Variants in ZBTB7C observed in about 807,000 individuals in gnomAD.
ZBTB7C encodes the protein zinc finger and BTB domain containing 7C.
Under a neutral mutation model 25.7 loss-of-function variants are expected in ZBTB7C, and 8 were observed. The observed-to-expected ratio is 0.31, with a 90% confidence interval of 0.18 to 0.56. The LOEUF (loss-of-function observed/expected upper bound fraction) is 0.56. ZBTB7C is among the 20% of genes least tolerant of loss of function. The pLI is 0.91. For synonymous variants in ZBTB7C, 394 were observed against 369.0 expected (o/e 1.07, Z -0.78); for missense variants, 824 against 855.2 (o/e 0.96, Z 0.46).
At chr18:48,076,532 C>T (rs1351980619) in intron 3 of ZBTB7C, among the ~76,000 whole-genome samples, 1 of 152,214 alleles carries the variant, frequency 6.6e-6, no homozygotes, top group African/African-American at 2.4e-5. Flanking sequence ...ATATCCAGGA[C>T]ACTGACCCCA....
intron 3 of ZBTB7C, among the ~76,000 whole-genome samples, chr18:48,131,060 C>T (rs772780253): frequency 3.3e-5 from 5 of 152,154 alleles, no homozygotes; most frequent in African/African-American, 7.2e-5. Flanking sequence ...CGTGCCACCA[C>T]GCCTAGCTAA....
At chr18:48,109,980 C>T (rs974054546) in intron 3 of ZBTB7C, among the ~76,000 whole-genome samples, 11 of 152,098 alleles carry the variant, frequency 7.2e-5, no homozygotes, top group African/African-American at 2.4e-4. Context: ...TGGTCTGAGA[C>T]TGAGGCATAG....
chr18:48,294,063 C>T (rs930130046), intron 2 of ZBTB7C, among the ~76,000 whole-genome samples: 1 of 152,226 alleles, frequency 6.6e-6, no homozygotes, highest in African/African-American at 2.4e-5. Flanking sequence ...AGCACGAATG[C>T]GGTGTTTACC....
intron 3 of ZBTB7C, among the ~76,000 whole-genome samples, chr18:48,091,936 C>T (rs2038432998): frequency 6.6e-6 from 1 of 152,220 alleles, no homozygotes; most frequent in Non-Finnish European, 1.5e-5. Flanking sequence ...CCCAACTCCT[C>T]CAGTCCTGGG....
chr18:48,314,129 C>A (rs2045889709), intron 2 of ZBTB7C, among the ~76,000 whole-genome samples: 1 of 152,194 alleles, frequency 6.6e-6, no homozygotes. Flanking sequence ...TCCTTCGTAG[C>A]AACGCAAGAA....
intron 2 of ZBTB7C, among the ~76,000 whole-genome samples, chr18:48,226,089 C>T (rs941726432): frequency 3.6e-4 from 55 of 152,290 alleles, no homozygotes; most frequent in South Asian, 1.5e-3. Flanking sequence ...AAATAAGCCC[C>T]GTCATCTCAG....
intron 2 of ZBTB7C, among the ~76,000 whole-genome samples, chr18:48,225,445 C>T (rs16948926): frequency 0.031 from 4,750 of 152,132 alleles, 94 homozygotes; most frequent in Middle Eastern, 0.095. Context: ...CTGCCTGCTG[C>T]GTTACAGACA....
At chr18:48,317,528 G>C (rs1255251899) in intron 2 of ZBTB7C, among the ~76,000 whole-genome samples, 1 of 152,146 alleles carries the variant, frequency 6.6e-6, no homozygotes, top group Non-Finnish European at 1.5e-5. Context: ...TGATGCCTTT[G>C]CTCTGAGGAT....
At chr18:48,194,294 C>T (rs2042267256) in intron 2 of ZBTB7C, among the ~76,000 whole-genome samples, 1 of 152,240 alleles carries the variant, frequency 6.6e-6, no homozygotes, top group African/African-American at 2.4e-5. Context: ...GGAGGGATCT[C>T]TCACACCAGC....
intron 1 of ZBTB7C, among the ~76,000 whole-genome samples, chr18:48,385,413 T>C (rs1303432631): frequency 6.6e-6 from 1 of 152,056 alleles, no homozygotes; most frequent in African/African-American, 2.4e-5. Context: ...GAGAACACCA[T>C]GAGGAGGAGC....
At chr18:48,289,918 T>C (rs1476307745) in intron 2 of ZBTB7C, among the ~76,000 whole-genome samples, 1 of 152,048 alleles carries the variant, frequency 6.6e-6, no homozygotes, top group African/African-American at 2.4e-5. Context: ...TCTCACACAA[T>C]GAAATACAAT....
intron 1 of ZBTB7C, among the ~76,000 whole-genome samples, chr18:48,390,058 G>A (rs2047863394): frequency 6.6e-6 from 1 of 152,142 alleles, no homozygotes; most frequent in Non-Finnish European, 1.5e-5. Flanking sequence ...GGGCTGGATC[G>A]GGAGCCCTGA....
In ZBTB7C at chr18:48,322,564, C is replaced by T. The variant is rs964850947; in HGVS notation, c.-79+15610G>A. On this transcript the variant is annotated intron_variant, in intron 2 of 4. Coordinates refer to ENST00000590800, the MANE Select transcript of ZBTB7C (RefSeq NM_001318841.2). ...AACATAACAGATGTTGGCGTGGATG[C>T]GATAAAAAGGGAACACTTCTATACT... 6.6e-5 allele frequency among the ~76,000 whole-genome samples: 10 copies of T among 152,160 alleles called. No homozygotes were observed. In the East Asian group the frequency reaches 1.2e-3, roughly 18 times the overall value.
chr18:48,381,303 G>C (rs2047629325), intron 1 of ZBTB7C, among the ~76,000 whole-genome samples: 1 of 152,180 alleles, frequency 6.6e-6, no homozygotes, highest in Non-Finnish European at 1.5e-5. Flanking sequence ...TGATAGCTAT[G>C]CACCAGGCAC....
chr18:48,181,150 AC>A (rs1197594024), intron 3 of ZBTB7C, among the ~76,000 whole-genome samples: 4 of 152,146 alleles, frequency 2.6e-5, no homozygotes, highest in Non-Finnish European at 5.9e-5. Context: ...TCCTGGAGTC[AC>A]CCCTTTATCT....
intron 3 of ZBTB7C, among the ~76,000 whole-genome samples, chr18:48,163,323 G>A (rs2041133897): frequency 1.3e-5 from 2 of 152,200 alleles, no homozygotes; most frequent in African/African-American, 2.4e-5. Flanking sequence ...CTGTAAAATA[G>A]TGGGCTGGTC....
intron 2 of ZBTB7C, among the ~76,000 whole-genome samples, chr18:48,311,996 G>A (rs2045831905): frequency 6.6e-6 from 1 of 152,140 alleles, no homozygotes; most frequent in Non-Finnish European, 1.5e-5. Flanking sequence ...TCCAGTTTCT[G>A]TCCATCTCTC....
intron 1 of ZBTB7C, among the ~76,000 whole-genome samples, chr18:48,403,601 A>G (rs186548910): frequency 6.6e-6 from 1 of 152,324 alleles, no homozygotes; most frequent in East Asian, 1.9e-4. Flanking sequence ...GGAGGAGACA[A>G]TAGATTGCAA....
At chr18:48,146,015 G>A (rs1040205683) in intron 3 of ZBTB7C, among the ~76,000 whole-genome samples, 6 of 152,034 alleles carry the variant, frequency 3.9e-5, no homozygotes, top group East Asian at 1.9e-4. Flanking sequence ...AGTATAATAC[G>A]ATTATACATT....
Sources: gnomAD v4.1 joint callset for allele counts (sites outside exome capture counted in the v4.1 genomes callset) on GRCh38, gnomAD v4.1.1 for gene constraint, MANE v1.5 for transcripts, NCBI Gene and HGNC (gene_info 2026-07-23, HGNC 2026-07-21) for gene names.